The following SND1 variants were observed in gnomAD, a reference collection of about 807,000 sequenced individuals.
The protein encoded by SND1 is staphylococcal nuclease domain-containing protein 1.
A neutral mutation model predicts 121.7 loss-of-function variants in SND1; 38 were observed. That is an observed-to-expected ratio of 0.31 (90% CI 0.24 to 0.41). The LOEUF (loss-of-function observed/expected upper bound fraction) is 0.41, where lower values mean the gene tolerates loss of function less well. Ranked by LOEUF, SND1 falls within the 10% of genes least tolerant of loss-of-function variation. The probability of loss-of-function intolerance (pLI) is 1.00; values close to 1 mark genes in which losing one functional copy is unlikely to be tolerated. For synonymous variants in SND1, 401 were observed against 447.4 expected, an observed-to-expected ratio of 0.90 and a Z score of 1.31; for missense variants, 868 against 1,184.6, an observed-to-expected ratio of 0.73 and a Z score of 3.92.
chr7:127,915,113 G>T (rs1428081814), intron 14 of SND1, among the ~76,000 whole-genome samples: 2 of 152,040 alleles, frequency 1.3e-5, no homozygotes, highest in Non-Finnish European at 2.9e-5. Context: ...TGCCTCCCAG[G>T]CTCAGGTGAT....
intron 12 of SND1, among the ~76,000 whole-genome samples, chr7:127,872,131 A>C (rs1180153891): frequency 6.6e-6 from 1 of 152,192 alleles, no homozygotes; most frequent in African/African-American, 2.4e-5. Context: ...ACCGTGTCTC[A>C]AAAAGAAAAC....
intron 11 of SND1, among the ~76,000 whole-genome samples, chr7:127,837,593 C>T (rs971956284): frequency 6.6e-6 from 1 of 152,192 alleles, no homozygotes; most frequent in African/African-American, 2.4e-5. Context: ...TCTGAATTAG[C>T]TTGGAGGTAA....
intron 16 of SND1, among the ~76,000 whole-genome samples, chr7:128,009,653 G>T (rs1365683694): frequency 1.3e-5 from 2 of 152,188 alleles, no homozygotes; most frequent in African/African-American, 4.8e-5. Flanking sequence ...TTATTAGACA[G>T]CATAGGACTC....
intron 12 of SND1, among the ~76,000 whole-genome samples, chr7:127,854,790 C>T (rs1309955744): frequency 1.3e-5 from 2 of 151,880 alleles, no homozygotes; most frequent in African/African-American, 4.8e-5. Flanking sequence ...CAGCACAGCA[C>T]TAAGTGTTAA....
rs1176125657 is a variant in SND1, at chr7:127,980,152, G to A, written c.1670-10795G>A. Among the ~76,000 whole-genome samples the A allele has an allele frequency of 2.3e-4, 3 of 13,272 alleles. 1 individual carries two copies. Among genetic ancestry groups the A allele is most frequent in the East Asian group, 4.8e-4 (1 of 2,066 alleles). The allele number at this position is 13,272 out of a possible 152,430, so 8.7% of individuals were successfully genotyped here. A position where few individuals can be genotyped will look rare whatever the true frequency, so the allele number is the denominator to read the frequency against. On this transcript the variant is annotated intron_variant, in intron 15 of 23. Transcript: ENST00000354725. ...TTTTGAGACGGAGTCTCGCTCTGTC[G>A]CCCAGGCTGGAGTGCAGTGGCGCAA... is the stretch of plus-strand genomic sequence containing the variant.
chr7:128,053,100 A>G (rs1793074299), intron 16 of SND1, among the ~76,000 whole-genome samples: 2 of 152,230 alleles, frequency 1.3e-5, no homozygotes, highest in South Asian at 4.1e-4. Context: ...CTCTTTAGAG[A>G]GTCTCATTAG....
intron 15 of SND1, among the ~76,000 whole-genome samples, chr7:127,969,318 C>T (rs1335588350): frequency 6.6e-6 from 1 of 152,186 alleles, no homozygotes; most frequent in African/African-American, 2.4e-5. Context: ...CCCTCAAACA[C>T]TAGTGCAGTA....
rs536037411 is a variant in SND1, at chr7:127,929,543, C to A, written c.1669+214C>A. On this transcript the variant is annotated intron_variant, in intron 15 of 23. Transcript: ENST00000354725. ...CTTTCTGCTCCTCATTTCTACCAAG[C>A]ACAGGATGTAGGAGTAGAGCAACTT... Among the ~76,000 whole-genome samples the A allele has an allele frequency of 2.0e-5, 3 of 152,290 alleles. No homozygotes were observed. The East Asian group carries it at 5.8e-4, about 29-fold the overall frequency.
chr7:127,751,211 GTAAAA>G (rs1797086708), intron 10 of SND1, among the ~76,000 whole-genome samples: 1 of 152,106 alleles, frequency 6.6e-6, no homozygotes, highest in African/African-American at 2.4e-5. Flanking sequence ...GTTGAATGGT[GTAAAA>G]GCCTAGCTAG....
chr7:128,042,555 G>T (rs1236071956), intron 16 of SND1: 3 of 152,334 alleles, frequency 2.0e-5, no homozygotes, highest in African/African-American at 7.2e-5. Flanking sequence ...TGCGAAGGCT[G>T]TAGCCTCTGC....
At chr7:127,923,213 A>G (rs550727806) in intron 14 of SND1, among the ~76,000 whole-genome samples, 11 of 152,256 alleles carry the variant, frequency 7.2e-5, no homozygotes, top group African/African-American at 1.7e-4. Flanking sequence ...TGATACTCCC[A>G]TCTCAGCCTC....
chr7:127,724,243 T>C (rs898826578), intron 10 of SND1, among the ~76,000 whole-genome samples: 2 of 152,006 alleles, frequency 1.3e-5, no homozygotes, highest in Admixed American at 1.3e-4. Flanking sequence ...AAGCTTAGAG[T>C]TTAGGAGAGT....
At chr7:128,049,537 A>G (rs1020431171) in intron 16 of SND1, among the ~76,000 whole-genome samples, 3 of 152,098 alleles carry the variant, frequency 2.0e-5, no homozygotes, top group African/African-American at 7.2e-5. Flanking sequence ...CACCTCCCCA[A>G]GCACCACCTG....
Position 127,929,313 on chromosome 7 carries a change from C to A in SND1, c.1653C>A (p.Ile551=). ...KLYLPKETCL[I]TFLLAGIECP... is the part of the protein sequence containing the mutation. ...ATTTGCCAAAGGAAACTTGCCTTAT[C>A]ACCTTCTTGCTTGCAGGTAAGTCTT... The change falls in exon 15 of 24, where the codon ATC becomes ATA. Residue 551 remains isoleucine, a synonymous_variant. Coordinates refer to ENST00000354725, the MANE Select transcript of SND1 (RefSeq NM_014390.4). 1 of 1,614,092 alleles carries A rather than the reference C, an allele frequency of 6.2e-7. No homozygotes were observed.
chr7:127,995,625 C>CT (rs1802629566), intron 16 of SND1, among the ~76,000 whole-genome samples: 1 of 152,214 alleles, frequency 6.6e-6, no homozygotes, highest in African/African-American at 2.4e-5. Flanking sequence ...CCACCCTTTC[C>CT]TTTTTGCGGC....
intron 16 of SND1, among the ~76,000 whole-genome samples, chr7:128,061,375 A>G (rs1020257088): frequency 6.6e-6 from 1 of 152,210 alleles, no homozygotes; most frequent in African/African-American, 2.4e-5. Context: ...ACAAGGCCCA[A>G]AAACCATCAA....
intron 16 of SND1, chr7:128,028,570 G>A: frequency 9.7e-7 from 1 of 1,033,264 alleles, no homozygotes; most frequent in Non-Finnish European, 1.4e-6. Context: ...CCAGCCCATA[G>A]ACTTAATATA....
In SND1 at chr7:128,067,636, T is replaced by C. The variant is rs151138038; in HGVS notation, c.1780-6866T>C. On this transcript the variant is annotated intron_variant, in intron 16 of 23. Coordinates refer to ENST00000354725, the MANE Select transcript of SND1 (RefSeq NM_014390.4). The stretch of plus-strand genomic sequence containing the variant: ...TACGGGAGCATCCTCCACAACTGTT[T>C]TCAGGCAACCTACAGCCTCGCAACC... Among the ~76,000 whole-genome samples, 388 of 152,278 alleles carry C rather than the reference T, an allele frequency of 2.5e-3. 1 individual carries two copies. Among genetic ancestry groups the C allele is most frequent in the African/African-American group, 8.9e-3 (369 of 41,552 alleles).
chr7:127,882,762 C>A (rs1373324831), intron 12 of SND1, among the ~76,000 whole-genome samples: 1 of 152,130 alleles, frequency 6.6e-6, no homozygotes, highest in Non-Finnish European at 1.5e-5. Context: ...CTGAGTTGAT[C>A]AGTTGCCCAG....
Sources: gnomAD v4.1 joint callset for allele counts (sites outside exome capture counted in the v4.1 genomes callset) on GRCh38, gnomAD v4.1.1 for gene constraint, MANE v1.5 for transcripts, NCBI Gene and HGNC (gene_info 2026-07-23, HGNC 2026-07-21) for gene names.